Variants in NEK10 observed in about 807,000 individuals in gnomAD.
NEK10 encodes the protein NIMA related kinase 10, also known as serine/threonine-protein kinase Nek10.
In NEK10, 122 loss-of-function variants were observed where a neutral mutation model predicts 159.8. That is an observed-to-expected ratio of 0.76 (90% CI 0.66 to 0.89). The LOEUF (loss-of-function observed/expected upper bound fraction) is 0.89, where lower values mean the gene tolerates loss of function less well. Ranked by LOEUF, NEK10 falls within the 40% of genes least tolerant of loss-of-function variation. The pLI is 0.00. For missense variants in NEK10, 1,342 were observed against 1,323.1 expected (o/e 1.01, Z -0.22); for synonymous variants, 466 against 457.1 (o/e 1.02, Z -0.25).
At chr3:27,280,030 T>C (rs2042040685) in intron 22 of NEK10, among the ~76,000 whole-genome samples, 1 of 149,724 alleles carries the variant, frequency 6.7e-6, no homozygotes, top group Admixed American at 6.7e-5. Context: ...GGCTGGGTGT[T>C]GTGGGTTAAA....
rs143782265 is a variant in NEK10, at chr3:27,297,239, G to A, written c.1170C>T (p.Ala390=). ...CCAGCTCAGTGAGGGCAGCACAGCA[G>A]GCTGGAATGACAACAATCAAATGCA... ...IQENTFSLQA[A]CCAALTELVL... is the part of the protein sequence containing the mutation. Residue 390 remains alanine (A), a splice_region_variant and synonymous_variant, in exon 14 of 36, where the codon GCC becomes GCT. Coordinates refer to ENST00000691995, the MANE Select transcript of NEK10 (RefSeq NM_001394966.1). The A allele has an allele frequency of 1.6e-4, 254 of 1,610,476 alleles. No homozygotes were observed. The African/African-American group carries it at 3.0e-3, about 19-fold the overall frequency.
At chr3:27,197,652 C>T (rs950934709) in intron 25 of NEK10, among the ~76,000 whole-genome samples, 7 of 152,164 alleles carry the variant, frequency 4.6e-5, no homozygotes, top group Admixed American at 2.0e-4. Context: ...TGTTTATAAG[C>T]TTAAGGAGTT....
intron 23 of NEK10, among the ~76,000 whole-genome samples, chr3:27,250,755 G>T (rs541513756): frequency 1.3e-5 from 2 of 151,666 alleles, no homozygotes; most frequent in African/African-American, 4.8e-5. Flanking sequence ...CTTCTGGCCC[G>T]TAAGGCTTCC....
intron 22 of NEK10, among the ~76,000 whole-genome samples, chr3:27,259,066 G>GT (rs139913702): frequency 0.13 from 19,299 of 148,460 alleles, 3,214 homozygotes; most frequent in African/African-American, 0.4. Flanking sequence ...TGATGCAGTT[G>GT]TTTTTTTTTT....
rs147294538 is a variant in NEK10, at chr3:27,224,547, A to C, written c.2091-21990T>G. ...GACTCTTCTAATGCACAGAAGTCCC[A>C]TAAGATCTGTCCAGAGACATCTCCC... On this transcript the variant is annotated intron_variant, in intron 23 of 35. Coordinates refer to ENST00000691995, the MANE Select transcript of NEK10 (RefSeq NM_001394966.1). Among the ~76,000 whole-genome samples, 248 of 152,358 alleles carry C rather than the reference A, an allele frequency of 1.6e-3. 1 individual carries two copies. The highest frequency in any genetic ancestry group is 5.7e-3 in the African/African-American group (237 of 41,596).
At chr3:27,350,785 G>A (rs2047915085) in intron 3 of NEK10, among the ~76,000 whole-genome samples, 1 of 152,152 alleles carries the variant, frequency 6.6e-6, no homozygotes, top group Non-Finnish European at 1.5e-5. Flanking sequence ...GGGCACACGA[G>A]AGATCCAGTC....
intron 5 of NEK10, among the ~76,000 whole-genome samples, chr3:27,325,270 C>T (rs2045929325): frequency 6.6e-6 from 1 of 152,224 alleles, no homozygotes; most frequent in Admixed American, 6.5e-5. Flanking sequence ...CTATTTCATA[C>T]TCAGCCAAGA....
At chr3:27,345,358 A>C (rs1423802847) in intron 4 of NEK10, among the ~76,000 whole-genome samples, 1 of 152,222 alleles carries the variant, frequency 6.6e-6, no homozygotes, top group Non-Finnish European at 1.5e-5. Flanking sequence ...ATATATTTTT[A>C]AAATATGAAC....
chr3:27,190,817 A>T (rs1401266495), intron 26 of NEK10, among the ~76,000 whole-genome samples: 1 of 152,216 alleles, frequency 6.6e-6, no homozygotes, highest in Non-Finnish European at 1.5e-5. Flanking sequence ...ATTGTTGCCT[A>T]GTTATTATGA....
intron 23 of NEK10, among the ~76,000 whole-genome samples, chr3:27,217,956 T>C (rs1951699503): frequency 6.6e-6 from 1 of 152,140 alleles, no homozygotes; most frequent in Non-Finnish European, 1.5e-5. Flanking sequence ...CAATAACTAA[T>C]AACAAAATAG....
intron 25 of NEK10, among the ~76,000 whole-genome samples, chr3:27,197,412 G>A (rs1366175427): frequency 1.3e-5 from 2 of 152,086 alleles, no homozygotes; most frequent in Non-Finnish European, 2.9e-5. Flanking sequence ...CTGACCTCAG[G>A]TGATCTGCCT....
At chr3:27,326,739 T>A (rs2046029029) in intron 5 of NEK10, among the ~76,000 whole-genome samples, 1 of 152,242 alleles carries the variant, frequency 6.6e-6, no homozygotes, top group Admixed American at 6.5e-5. Context: ...TTAATATTTC[T>A]ACGCGGCCTC....
chr3:27,196,282 C>A lies in NEK10; in HGVS notation c.2292-4040G>T, dbSNP rs181145153. On this transcript the variant is annotated intron_variant, in intron 25 of 35. Coordinates refer to ENST00000691995, the MANE Select transcript of NEK10 (RefSeq NM_001394966.1). ...ATTGATCACGATCCTTTCACACAGACCCCCTTAGAGTTGTAAGCCCTTAAA... is the reference window on the plus strand; with the variant it reads ...ATTGATCACGATCCTTTCACACAGAACCCCTTAGAGTTGTAAGCCCTTAAA... Among the ~76,000 whole-genome samples the A allele has an allele frequency of 3.9e-5, 6 of 152,294 alleles. No homozygotes were observed. In the East Asian group the frequency reaches 1.2e-3, roughly 29 times the overall value.
At chr3:27,218,634 C>T (rs1304217839) in intron 23 of NEK10, among the ~76,000 whole-genome samples, 1 of 143,174 alleles carries the variant, frequency 7.0e-6, no homozygotes, top group Non-Finnish European at 1.5e-5. Flanking sequence ...GACGGGACTA[C>T]TGTGTATACC....
intron 23 of NEK10, among the ~76,000 whole-genome samples, chr3:27,246,960 C>T (rs2063985358): frequency 6.6e-6 from 1 of 152,092 alleles, no homozygotes; most frequent in African/African-American, 2.4e-5. Flanking sequence ...TTGTATCCTG[C>T]AGCTTTACTA....
intron 22 of NEK10, among the ~76,000 whole-genome samples, chr3:27,263,639 G>C (rs549461566): frequency 5.9e-5 from 9 of 152,186 alleles, no homozygotes; most frequent in Non-Finnish European, 1.0e-4. Flanking sequence ...TAATCTCCTG[G>C]TGTGGCGTTT....
chr3:27,153,049 C>T (rs949409222), intron 30 of NEK10, among the ~76,000 whole-genome samples: 1 of 152,006 alleles, frequency 6.6e-6, no homozygotes, highest in African/African-American at 2.4e-5. Flanking sequence ...TGGCCAGGCG[C>T]GGTGGCTCAT....
At chr3:27,279,867 C>T (rs1255592135) in intron 22 of NEK10, among the ~76,000 whole-genome samples, 1 of 152,036 alleles carries the variant, frequency 6.6e-6, no homozygotes, top group Non-Finnish European at 1.5e-5. Flanking sequence ...TAAAGCTAAA[C>T]GGCCTTAAAA....
chr3:27,226,494 G>A (rs1952660351), intron 23 of NEK10, among the ~76,000 whole-genome samples: 1 of 152,150 alleles, frequency 6.6e-6, no homozygotes. Flanking sequence ...TGGACCTAAC[G>A]GCTGCTGCAG....
Sources: allele counts gnomAD v4.1 joint callset (sites outside exome capture counted in the v4.1 genomes callset), GRCh38; gene constraint gnomAD v4.1.1; transcripts MANE v1.5; gene names NCBI Gene and HGNC (gene_info 2026-07-23, HGNC 2026-07-21).